Variants in CPNE8 observed in about 807,000 individuals in gnomAD.
CPNE8 encodes copine 8, also known as copine-8.
A neutral mutation model predicts 81.5 loss-of-function variants in CPNE8; 45 were observed. That is an observed-to-expected ratio of 0.55 (90% CI 0.44 to 0.71). The LOEUF (loss-of-function observed/expected upper bound fraction) is 0.71. Ranked by LOEUF, CPNE8 falls within the 30% of genes least tolerant of loss-of-function variation. The pLI is 0.00. For synonymous variants in CPNE8, 252 were observed against 226.3 expected (o/e 1.11, Z -1.02); for missense variants, 594 against 672.1 (o/e 0.88, Z 1.28).
chr12:38,809,573 A>G (rs915446339), intron 6 of CPNE8, among the ~76,000 whole-genome samples: 24 of 152,288 alleles, frequency 1.6e-4, no homozygotes, highest in African/African-American at 5.8e-4. Flanking sequence ...GAGAGTGAGG[A>G]TCATGGAGGC....
chr12:38,663,964 G>C (rs1329967125), intron 19 of CPNE8, among the ~76,000 whole-genome samples: 1 of 152,056 alleles, frequency 6.6e-6, no homozygotes, highest in Non-Finnish European at 1.5e-5. Flanking sequence ...GTTACTATAG[G>C]CTGGGAAGGA....
intron 7 of CPNE8, among the ~76,000 whole-genome samples, chr12:38,772,149 T>C (rs1461438945): frequency 6.6e-6 from 1 of 152,180 alleles, no homozygotes; most frequent in Non-Finnish European, 1.5e-5. Context: ...TGTTCACAAA[T>C]GTCTGCTTCC....
At chr12:38,788,146 A>G (rs1007272061) in intron 6 of CPNE8, among the ~76,000 whole-genome samples, 12 of 151,954 alleles carry the variant, frequency 7.9e-5, no homozygotes, top group Non-Finnish European at 2.9e-5. Flanking sequence ...AAAAGCAGAC[A>G]AAGACACATC....
rs1339536387 is a variant in CPNE8, at chr12:38,693,686, C to G, written c.1114G>C (p.Asp372His). The G allele has an allele frequency of 6.2e-7, 1 of 1,611,326 alleles. No homozygotes were observed. The part of the protein sequence containing the change: ...ALGFGAKLPP[D>H]GRISHEFALN... ...GCAAATTCGTGAGATATCCTTCCAT[C>G]TGGAGGCAGTTTTGCACCAAATCCT... Residue 372 changes from aspartate to histidine, a missense_variant, in exon 15 of 20, where the codon GAT (aspartate) becomes CAT (histidine). Coordinates refer to ENST00000331366, the MANE Select transcript of CPNE8 (RefSeq NM_153634.3).
At chr12:38,833,542 G>A (rs1351423294) in intron 5 of CPNE8, among the ~76,000 whole-genome samples, 5 of 146,598 alleles carry the variant, frequency 3.4e-5, no homozygotes, top group Non-Finnish European at 6.0e-5. Context: ...GCAGTGGAGC[G>A]ATCTCGGTTC....
intron 6 of CPNE8, among the ~76,000 whole-genome samples, chr12:38,798,885 C>T (rs142419037): frequency 0.013 from 1,954 of 152,144 alleles, 50 homozygotes; most frequent in African/African-American, 0.044. Context: ...CAAAAAAAGG[C>T]AGGGGTTGAA....
At chr12:38,739,692 A>G (rs564303850) in intron 10 of CPNE8, among the ~76,000 whole-genome samples, 2 of 152,326 alleles carry the variant, frequency 1.3e-5, no homozygotes, top group East Asian at 1.9e-4. Context: ...AAAAGTTGAT[A>G]TAATTAATTA....
chr12:38,685,705 C>T lies in CPNE8; in HGVS notation c.1144-88G>A, dbSNP rs1327655171. ...TCAATTGAAAGAGATGAGAATAATACACGTTGACACTCATATTTTTTGAGG... is the reference window on the plus strand; with the variant it reads ...TCAATTGAAAGAGATGAGAATAATATACGTTGACACTCATATTTTTTGAGG... On this transcript the variant is annotated intron_variant, in intron 15 of 19. Transcript: ENST00000331366. The T allele has an allele frequency of 6.1e-6, 8 of 1,321,258 alleles. No homozygotes were observed. The East Asian group carries it at 9.4e-5, about 16-fold the overall frequency. The allele number at this position is 1,321,258 out of a possible 1,614,324, so 81.8% of individuals were successfully genotyped here. A position where few individuals can be genotyped will look rare whatever the true frequency, so the allele number is the denominator to read the frequency against.
At position 38,905,563 on chromosome 12, in the gene CPNE8, G is replaced by C; in HGVS notation, c.-29C>G. The C allele has an allele frequency of 6.5e-7, 1 of 1,547,726 alleles. No individual in the cohort carries two copies. The highest frequency in any genetic ancestry group is 2.1e-4 in the Middle Eastern group (1 of 4,776). ...GGGAGGAGGCGCCTTGGACTTGTCC[G>C]GCGCCCACAACCACAGCTCGGGCGG... On this transcript the variant is annotated 5_prime_UTR_variant, in exon 1 of 20. Coordinates refer to ENST00000331366, the MANE Select transcript of CPNE8 (RefSeq NM_153634.3).
At position 38,653,942 on chromosome 12, in the gene CPNE8, C is replaced by T; in HGVS notation, c.1635G>A (p.Lys545=). The part of the protein sequence containing the change: ...FLSYMRARGI[K]PSPAPPPYTP... ...TGTATGGGGGAGGCGCAGGTGATGG[C>T]TTGATTCCTCGGGCTCTCATATAGG... is the stretch of plus-strand genomic sequence containing the variant. The change falls in exon 20 of 20, where the codon AAG becomes AAA. Residue 545 remains lysine, a synonymous_variant. Coordinates refer to ENST00000331366, the MANE Select transcript of CPNE8 (RefSeq NM_153634.3). 3 of 1,613,630 alleles carry T rather than the reference C, an allele frequency of 1.9e-6. No individual in the cohort carries two copies. In the East Asian group the frequency reaches 6.7e-5, roughly 36 times the overall value.
At chr12:38,890,952 A>T (rs1327921750) in intron 1 of CPNE8, among the ~76,000 whole-genome samples, 2 of 151,064 alleles carry the variant, frequency 1.3e-5, no homozygotes, top group Non-Finnish European at 2.9e-5. Flanking sequence ...AGAGAGAAAG[A>T]GTCTCACTCT....
chr12:38,722,819 G>A (rs969353386), intron 13 of CPNE8, among the ~76,000 whole-genome samples: 2 of 152,038 alleles, frequency 1.3e-5, no homozygotes, highest in Non-Finnish European at 2.9e-5. Context: ...CCCCTGTGTC[G>A]AGGGAGGGAT....
chr12:38,884,194 C>T (rs1944205889), intron 1 of CPNE8, among the ~76,000 whole-genome samples: 1 of 152,142 alleles, frequency 6.6e-6, no homozygotes. Flanking sequence ...AAATCACACC[C>T]TATTCCACTT....
chr12:38,768,662 G>T (rs1941739369), intron 7 of CPNE8, among the ~76,000 whole-genome samples: 2 of 151,826 alleles, frequency 1.3e-5, no homozygotes, highest in Admixed American at 6.6e-5. Flanking sequence ...TGGGACTACA[G>T]GCACACGCTG....
intron 6 of CPNE8, among the ~76,000 whole-genome samples, chr12:38,824,387 A>G (rs1943154390): frequency 6.6e-6 from 1 of 152,142 alleles, no homozygotes. Context: ...CAAAAGTTTG[A>G]TTGATATTAA....
chr12:38,837,114 C>T (rs577078109), intron 5 of CPNE8, among the ~76,000 whole-genome samples: 42 of 151,832 alleles, frequency 2.8e-4, no homozygotes, highest in African/African-American at 6.3e-4. Context: ...TGCAATATAT[C>T]GGTAGAAAAG....
chr12:38,796,078 T>C (rs1376115048), intron 6 of CPNE8, among the ~76,000 whole-genome samples: 2 of 152,128 alleles, frequency 1.3e-5, no homozygotes, highest in African/African-American at 2.4e-5. Context: ...CTGGTCAACA[T>C]GGTGAAGGCC....
At chr12:38,859,472 G>GA (rs1592141474) in intron 3 of CPNE8, among the ~76,000 whole-genome samples, 4 of 152,022 alleles carry the variant, frequency 2.6e-5, no homozygotes, top group Admixed American at 2.6e-4. Flanking sequence ...TAATGGATTG[G>GA]AAAATCAAAA....
chr12:38,808,271 A>G (rs1425569050), intron 6 of CPNE8, among the ~76,000 whole-genome samples: 2 of 152,162 alleles, frequency 1.3e-5, no homozygotes, highest in Non-Finnish European at 2.9e-5. Flanking sequence ...CCAAACGAGT[A>G]TAAATCATGC....
Sources: allele counts gnomAD v4.1 joint callset (sites outside exome capture counted in the v4.1 genomes callset), GRCh38; gene constraint gnomAD v4.1.1; transcripts MANE v1.5; gene names NCBI Gene and HGNC (gene_info 2026-07-23, HGNC 2026-07-21).